Variants in CD302 observed in about 807,000 individuals in gnomAD.
The protein encoded by CD302 is CD302 antigen.
In CD302, 23 loss-of-function variants were observed where a neutral mutation model predicts 26.5. The observed-to-expected ratio is 0.87, with a 90% confidence interval of 0.62 to 1.23. CD302 has a LOEUF of 1.23. CD302 is among the 50% of genes most tolerant of loss of function. The pLI, the probability that CD302 is intolerant of heterozygous loss-of-function variation, is 0.00. For synonymous variants in CD302, 90 were observed against 99.4 expected (o/e 0.91, Z 0.56); for missense variants, 290 against 275.5 (o/e 1.05, Z -0.37).
At chr2:159,786,317 G>A (rs1044954261) in intron 1 of CD302, among the ~76,000 whole-genome samples, 2 of 146,152 alleles carry the variant, frequency 1.4e-5, no homozygotes, top group South Asian at 4.3e-4. Flanking sequence ...CCTTCTTGAA[G>A]CATGTTGTCT....
intron 5 of CD302, among the ~76,000 whole-genome samples, chr2:159,775,860 G>T (rs1306898984): frequency 1.3e-5 from 2 of 151,152 alleles, no homozygotes; most frequent in Non-Finnish European, 2.9e-5. Context: ...GAATTATACA[G>T]AATTTGGCCT....
chr2:159,775,427 G>A (rs978781139), intron 5 of CD302, among the ~76,000 whole-genome samples: 2 of 152,068 alleles, frequency 1.3e-5, no homozygotes, highest in East Asian at 3.9e-4. Context: ...TCCAACTTAT[G>A]TGTATCTTTA....
At chr2:159,795,865 AG>A (rs780359309) in intron 1 of CD302, among the ~76,000 whole-genome samples, 2 of 152,250 alleles carry the variant, frequency 1.3e-5, no homozygotes, top group Non-Finnish European at 2.9e-5. Context: ...TCACAGAATG[AG>A]GACTTACTCG....
chr2:159,778,613 A>C (rs1708410865), intron 4 of CD302, among the ~76,000 whole-genome samples: 1 of 152,214 alleles, frequency 6.6e-6, no homozygotes, highest in Non-Finnish European at 1.5e-5. Flanking sequence ...TTGAAGTAGA[A>C]GGGGAAAATA....
intron 1 of CD302, among the ~76,000 whole-genome samples, chr2:159,793,041 A>G (rs935224734): frequency 9.9e-5 from 15 of 152,206 alleles, no homozygotes; most frequent in African/African-American, 3.6e-4. Flanking sequence ...TGAACAAAAG[A>G]CTAAACTAAG....
chr2:159,780,913 A>G lies in CD302; in HGVS notation c.264T>C (p.Asp88=). The G allele has an allele frequency of 1.2e-6, 2 of 1,613,556 alleles. No individual in the cohort carries two copies. The highest frequency in any genetic ancestry group is 1.7e-6 in the Non-Finnish European group (2 of 1,179,798). The stretch of plus-strand genomic sequence containing the variant: ...TGTCATAAAACATGCCTAGTAGGAT[A>G]TCATCTGGGCCTTTCCATTGCTTTT... ...TLKKQWKGPD[D]ILLGMFYDTD... The change falls in exon 3 of 6, where the codon GAT becomes GAC. Residue 88 remains aspartate (D), a synonymous_variant. Coordinates refer to ENST00000259053, the MANE Select transcript of CD302 (RefSeq NM_014880.5).
At position 159,771,174 on chromosome 2, in the gene CD302, T is replaced by C. The variant is rs1247748976; in HGVS notation, c.*677A>G. On this transcript the variant is annotated 3_prime_UTR_variant, in exon 6 of 6. Coordinates refer to ENST00000259053, the MANE Select transcript of CD302 (RefSeq NM_014880.5). ...AGGTATGGTGGCAAGAGAGAAATCC[T>C]TAAAGGGGCACTATAATATGTAAGT... 1.3e-5 allele frequency: 2 copies of C among 152,214 alleles called. No individual in the cohort carries two copies. Among genetic ancestry groups the C allele is most frequent in the Admixed American group, 6.5e-5 (1 of 15,276 alleles). The allele number at this position is 152,214 out of a possible 1,614,324, so 9.4% of individuals were successfully genotyped here. A position where few individuals can be genotyped will look rare whatever the true frequency, so the allele number is the denominator to read the frequency against.
chr2:159,798,091 G>C lies in CD302; in HGVS notation c.67+41C>G, dbSNP rs1233157049. ...CGTGCGTTGGGAAGGGGGCGAAGGC[G>C]GTCGCGCACGGTCCCGGCGAGGGAC... On this transcript the variant is annotated intron_variant, in intron 1 of 5. Transcript: ENST00000259053. 9.4e-6 allele frequency: 14 copies of C among 1,486,166 alleles called. No individual in the cohort carries two copies. The East Asian group carries it at 4.0e-4, about 43-fold the overall frequency. The allele number at this position is 1,486,166 out of a possible 1,614,324, so 92.1% of individuals were successfully genotyped here.
chr2:159,796,373 G>A (rs987346333), intron 1 of CD302, among the ~76,000 whole-genome samples: 3 of 152,136 alleles, frequency 2.0e-5, no homozygotes, highest in Admixed American at 2.0e-4. Flanking sequence ...ACATAAGGTG[G>A]TATTCATACG....
intron 2 of CD302, among the ~76,000 whole-genome samples, chr2:159,782,437 A>AG (rs1284362923): frequency 2.9e-5 from 4 of 135,604 alleles, no homozygotes; most frequent in African/African-American, 1.1e-4. Flanking sequence ...AAAAAAAAAA[A>AG]AAGACATTTT....
At chr2:159,775,969 G>C (rs563483772) in intron 5 of CD302, among the ~76,000 whole-genome samples, 2 of 145,466 alleles carry the variant, frequency 1.4e-5, no homozygotes, top group Non-Finnish European at 3.0e-5. Context: ...GGAGTGCAGT[G>C]GAGTGATCCC....
intron 1 of CD302, among the ~76,000 whole-genome samples, chr2:159,786,331 TC>T (rs1294350869): frequency 1.3e-4 from 15 of 114,666 alleles, no homozygotes; most frequent in African/African-American, 4.1e-4. Flanking sequence ...GTTGTCTTTT[TC>T]TTTTTTTTTT....
chr2:159,777,899 TA>T, intron 5 of CD302, 38 bp downstream of exon 5: 1 of 983,886 alleles, frequency 1.0e-6, no homozygotes, highest in Non-Finnish European at 1.5e-6. Flanking sequence ...GATATATTTT[TA>T]ATTGTGGGAA....
At chr2:159,775,219 AC>A (rs1459094666) in intron 5 of CD302, among the ~76,000 whole-genome samples, 1 of 152,190 alleles carries the variant, frequency 6.6e-6, no homozygotes, top group Non-Finnish European at 1.5e-5. Flanking sequence ...TCAATGTCTA[AC>A]TTTAGGAGAA....
intron 5 of CD302, among the ~76,000 whole-genome samples, chr2:159,775,549 G>A (rs917862694): frequency 2.0e-5 from 3 of 152,172 alleles, no homozygotes; most frequent in African/African-American, 7.2e-5. Context: ...ATTCCTTAAA[G>A]TTAACTACTA....
chr2:159,779,989 C>A lies in CD302; in HGVS notation c.469+16G>T. On this transcript the variant is annotated intron_variant, in intron 4 of 5. Coordinates refer to ENST00000259053, the MANE Select transcript of CD302 (RefSeq NM_014880.5). ...TGCCCCTTCTAGAATGGAAAAACACCTTCGGTCATACTTACTAGCTGTTTT... is the reference window on the plus strand; with the variant it reads ...TGCCCCTTCTAGAATGGAAAAACACATTCGGTCATACTTACTAGCTGTTTT... The A allele has an allele frequency of 6.2e-7, 1 of 1,604,284 alleles. No individual in the cohort carries two copies. The highest frequency in any genetic ancestry group is 8.5e-7 in the Non-Finnish European group (1 of 1,175,018).
intron 1 of CD302, among the ~76,000 whole-genome samples, chr2:159,786,140 G>A (rs1708658270): frequency 6.6e-6 from 1 of 152,076 alleles, no homozygotes; most frequent in African/African-American, 2.4e-5. Flanking sequence ...TAGGGACTAA[G>A]CCTTATTAAT....
chr2:159,789,544 A>G (rs1173571328), intron 1 of CD302, among the ~76,000 whole-genome samples: 1 of 122,212 alleles, frequency 8.2e-6, no homozygotes, highest in Non-Finnish European at 1.7e-5. Flanking sequence ...GCACCCTCAC[A>G]CCCCCTTAGG....
At chr2:159,780,805 G>A (rs1224406277) in intron 3 of CD302, 77 bp downstream of exon 3, 3 of 1,327,920 alleles carry the variant, frequency 2.3e-6, no homozygotes, top group Non-Finnish European at 3.2e-6. Context: ...TTGAACCAGA[G>A]AATTGAAAAG....
Sources: allele counts gnomAD v4.1 joint callset (sites outside exome capture counted in the v4.1 genomes callset), GRCh38; gene constraint gnomAD v4.1.1; transcripts MANE v1.5; gene names NCBI Gene and HGNC (gene_info 2026-07-23, HGNC 2026-07-21).